Variants in FBXL2 observed in about 807,000 individuals in gnomAD.
FBXL2 encodes F-box and leucine rich repeat protein 2, also known as F-box/LRR-repeat protein 2.
In FBXL2, 38 loss-of-function variants were observed where a neutral mutation model predicts 69.2. That is an observed-to-expected ratio of 0.55 (90% CI 0.42 to 0.72). The LOEUF (loss-of-function observed/expected upper bound fraction) is 0.72. FBXL2 is among the 30% of genes least tolerant of loss of function. The pLI is 0.00. For missense variants in FBXL2, 354 were observed against 520.3 expected, an observed-to-expected ratio of 0.68 and a Z score of 3.11; for synonymous variants, 192 against 201.3, an observed-to-expected ratio of 0.95 and a Z score of 0.39.
intron 4 of FBXL2, among the ~76,000 whole-genome samples, chr3:33,363,281 A>G (rs1373955522): frequency 6.6e-6 from 1 of 152,194 alleles, no homozygotes; most frequent in Admixed American, 6.5e-5. Context: ...CCTCCAGTGA[A>G]TCACCTTCCT....
chr3:33,324,481 A>G (rs1029724807), intron 2 of FBXL2, among the ~76,000 whole-genome samples: 2 of 152,134 alleles, frequency 1.3e-5, no homozygotes, highest in Non-Finnish European at 2.9e-5. Flanking sequence ...ATTTTAGTGT[A>G]AGGTATAAGG....
chr3:33,364,172 ATT>A (rs138587705), intron 4 of FBXL2, among the ~76,000 whole-genome samples: 2,019 of 152,222 alleles, frequency 0.013, 20 homozygotes, highest in South Asian at 0.027. Flanking sequence ...TTTGCAATAT[ATT>A]GTTATACTTT....
intron 2 of FBXL2, among the ~76,000 whole-genome samples, chr3:33,324,842 A>G (rs1012565154): frequency 4.6e-5 from 7 of 152,282 alleles, no homozygotes; most frequent in Admixed American, 1.3e-4. Context: ...CTATGAAGAA[A>G]GTCAGTGGTG....
At chr3:33,357,329 G>A (rs2041272288) in intron 2 of FBXL2, among the ~76,000 whole-genome samples, 2 of 152,170 alleles carry the variant, frequency 1.3e-5, no homozygotes, top group South Asian at 4.1e-4. Flanking sequence ...TCTGTTTGGT[G>A]TTTGTTTCTG....
At chr3:33,400,947 G>A in intron 12 of FBXL2, 1 of 1,592,312 alleles carries the variant, frequency 6.3e-7, no homozygotes, top group Non-Finnish European at 8.5e-7. Flanking sequence ...ATAGTTTTAG[G>A]AGAAAGATAC....
chr3:33,359,389 T>C (rs2041451670), intron 4 of FBXL2, 32 bp downstream of exon 4: 6 of 1,510,716 alleles, frequency 4.0e-6, no homozygotes, highest in Non-Finnish European at 5.5e-6. Flanking sequence ...CAAAAAACTT[T>C]TTAAAAATAT....
intron 2 of FBXL2, among the ~76,000 whole-genome samples, chr3:33,349,915 C>T (rs1246455829): frequency 6.6e-6 from 1 of 152,076 alleles, no homozygotes; most frequent in Non-Finnish European, 1.5e-5. Flanking sequence ...CCTTCCAAAA[C>T]AGAAAGCACC....
At chr3:33,378,824 C>G in intron 13 of FBXL2, 83 bp downstream of exon 13, 11 of 1,611,358 alleles carry the variant, frequency 6.8e-6, no homozygotes, top group Non-Finnish European at 8.5e-6. Flanking sequence ...TTTGGGTTCT[C>G]TTTCTGTAAG....
intron 2 of FBXL2, among the ~76,000 whole-genome samples, chr3:33,309,497 C>T (rs1207197152): frequency 2.0e-5 from 3 of 151,594 alleles, no homozygotes; most frequent in Admixed American, 2.0e-4. Context: ...TATGTGTATT[C>T]TTGCAGATAA....
intron 2 of FBXL2, among the ~76,000 whole-genome samples, chr3:33,303,480 T>C (rs1028063967): frequency 6.6e-6 from 1 of 152,178 alleles, no homozygotes; most frequent in Admixed American, 6.6e-5. Context: ...AGGATGACTT[T>C]GGATTTTATA....
downstream of FBXL2, chr3:33,392,809 T>C: frequency 1.9e-6 from 1 of 532,178 alleles, no homozygotes; most frequent in Non-Finnish European, 3.2e-6. Flanking sequence ...CTGTCCATAA[T>C]GGTCCCTGAG....
At chr3:33,319,399 A>C (rs116775754) in intron 2 of FBXL2, among the ~76,000 whole-genome samples, 1 of 152,240 alleles carries the variant, frequency 6.6e-6, no homozygotes, top group Non-Finnish European at 1.5e-5. Context: ...TGTAATATAC[A>C]TGAAGTATCT....
chr3:33,358,262 A>T (rs897840306), intron 2 of FBXL2, among the ~76,000 whole-genome samples: 3 of 152,172 alleles, frequency 2.0e-5, no homozygotes, highest in Non-Finnish European at 2.9e-5. Flanking sequence ...TGCAGTGCTG[A>T]GGCGCACACG....
At position 33,385,709 on chromosome 3, in the gene FBXL2, A is replaced by C; in HGVS notation, c.*101A>C. The C allele has an allele frequency of 1.4e-5, 13 of 933,920 alleles. No homozygotes were observed. The highest frequency in any genetic ancestry group is 2.1e-5 in the Non-Finnish European group (12 of 582,266). The allele number at this position is 933,920 out of a possible 1,614,324, so 57.9% of individuals were successfully genotyped here. On this transcript the variant is annotated 3_prime_UTR_variant, in exon 15 of 15. Coordinates refer to ENST00000484457, the MANE Select transcript of FBXL2 (RefSeq NM_012157.5). ...CCATCACCCAATCTGTTGATTCTCCATTGGGAAAGGCATTTACAGGTAAAA... is the reference window on the plus strand; with the variant it reads ...CCATCACCCAATCTGTTGATTCTCCCTTGGGAAAGGCATTTACAGGTAAAA...
chr3:33,409,793 T>C, the FBXL2 span, among the ~76,000 whole-genome samples: 3 of 152,240 alleles, frequency 2.0e-5, no homozygotes, highest in Non-Finnish European at 1.5e-5. Context: ...CAAATCCAAC[T>C]GAGCCTCTCC....
chr3:33,388,399 A>G (rs1479537546), downstream of FBXL2: 1 of 152,630 alleles, frequency 6.6e-6, no homozygotes, highest in Non-Finnish European at 1.5e-5. Context: ...TTAAAAAAAC[A>G]AAGTAACAAA....
At chr3:33,333,626 G>C (rs1024131597) in intron 2 of FBXL2, among the ~76,000 whole-genome samples, 2 of 151,970 alleles carry the variant, frequency 1.3e-5, no homozygotes, top group Non-Finnish European at 2.9e-5. Context: ...TAAATGAGTA[G>C]AGAGCCACAG....
chr3:33,390,175 C>T, downstream of FBXL2: 6 of 694,332 alleles, frequency 8.6e-6, no homozygotes, highest in Non-Finnish European at 2.4e-6. Context: ...TGAGGAGATT[C>T]ACCTCTCATA....
At chr3:33,382,532 G>A (rs553790510) in intron 13 of FBXL2, 17 of 152,232 alleles carry the variant, frequency 1.1e-4, no homozygotes, top group African/African-American at 3.9e-4. Flanking sequence ...ACATGTAGTT[G>A]TATATTGTTC....
Sources: allele counts gnomAD v4.1 joint callset (sites outside exome capture counted in the v4.1 genomes callset), GRCh38; gene constraint gnomAD v4.1.1; transcripts MANE v1.5; gene names NCBI Gene and HGNC (gene_info 2026-07-23, HGNC 2026-07-21).